Variants in GPR39 observed in about 807,000 individuals in gnomAD.
GPR39 encodes the protein zinc sensing receptor.
In GPR39, 23 loss-of-function variants were observed where a neutral mutation model predicts 18.4. The observed-to-expected ratio is 1.25, with a 90% CI of 0.90 to 1.77. The LOEUF is 1.77. Among genes scored for constraint, GPR39 ranks in the 40% most tolerant of loss-of-function variants. GPR39 has a pLI of 0.00. For synonymous variants in GPR39, 280 were observed against 257.9 expected (o/e 1.09, Z -0.82); for missense variants, 647 against 602.4 (o/e 1.07, Z -0.78).
intron 1 of GPR39, among the ~76,000 whole-genome samples, chr2:132,465,890 A>G (rs1324825324): frequency 6.6e-6 from 1 of 152,244 alleles, no homozygotes; most frequent in Non-Finnish European, 1.5e-5. Context: ...CTTAGCATAA[A>G]ATAACTGCTT....
chr2:132,623,942 C>A (rs1390107402), intron 1 of GPR39, among the ~76,000 whole-genome samples: 1 of 152,142 alleles, frequency 6.6e-6, no homozygotes, highest in Non-Finnish European at 1.5e-5. Context: ...CCCCTCACCT[C>A]CACCAGCAGC....
intron 1 of GPR39, among the ~76,000 whole-genome samples, chr2:132,569,239 T>C (rs995519167): frequency 6.6e-6 from 1 of 152,118 alleles, no homozygotes; most frequent in Non-Finnish European, 1.5e-5. Context: ...TTTGGAGGAC[T>C]AGTACTCTAA....
intron 1 of GPR39, among the ~76,000 whole-genome samples, chr2:132,586,161 C>T (rs1458072236): frequency 1.3e-5 from 2 of 151,814 alleles, no homozygotes; most frequent in Non-Finnish European, 2.9e-5. Context: ...CAAAGAAAGA[C>T]GGTAAAGTAT....
intron 1 of GPR39, among the ~76,000 whole-genome samples, chr2:132,427,412 C>G (rs983039950): frequency 6.7e-6 from 1 of 150,298 alleles, no homozygotes; most frequent in East Asian, 2.0e-4. Flanking sequence ...CGTGATCCAC[C>G]CACCTCCCAA....
intron 1 of GPR39, among the ~76,000 whole-genome samples, chr2:132,464,004 C>T (rs896923118): frequency 3.3e-5 from 5 of 152,200 alleles, no homozygotes; most frequent in South Asian, 2.1e-4. Context: ...AATTGCAAGA[C>T]GTCTTCAGTC....
At chr2:132,595,636 T>A (rs1021802408) in intron 1 of GPR39, among the ~76,000 whole-genome samples, 3 of 152,260 alleles carry the variant, frequency 2.0e-5, no homozygotes, top group South Asian at 4.2e-4. Context: ...TATTATGGAA[T>A]AATTCTGTGT....
chr2:132,444,548 AC>A (rs1157271582), intron 1 of GPR39, among the ~76,000 whole-genome samples: 4 of 152,166 alleles, frequency 2.6e-5, no homozygotes, highest in Admixed American at 2.6e-4. Flanking sequence ...TCAGCCTCCC[AC>A]AGTGTTAAGA....
rs1201052923 is a variant in GPR39 at position 132,457,420 on chromosome 2, C to T, written c.856+39522C>T. 2.0e-5 allele frequency among the ~76,000 whole-genome samples: 3 copies of T among 152,136 alleles called. No homozygotes were observed. The East Asian group carries it at 5.8e-4, about 29-fold the overall frequency. On this transcript the variant is annotated intron_variant, in intron 1 of 1. Transcript: ENST00000329321. ...GTTTTTAGCTTCCTTGCGATGGGTT[C>T]GAATGTCCTCCTTTAGCTTGGAGAA...
chr2:132,548,053 C>T (rs1415458591), intron 1 of GPR39, among the ~76,000 whole-genome samples: 1 of 152,156 alleles, frequency 6.6e-6, no homozygotes, highest in Non-Finnish European at 1.5e-5. Flanking sequence ...CCGCTTACGC[C>T]CCTTCCCAAG....
At chr2:132,508,334 C>T (rs535685470) in intron 1 of GPR39, among the ~76,000 whole-genome samples, 1 of 152,240 alleles carries the variant, frequency 6.6e-6, no homozygotes, top group East Asian at 1.9e-4. Context: ...AGAAGACTCT[C>T]AACCCCCTTC....
Position 132,645,169 on chromosome 2 carries a change from A to G in GPR39, c.925A>G (p.Lys309Glu). Residue 309 changes from lysine (K) to glutamate (E), a missense_variant, in exon 2 of 2, where the codon AAA becomes GAA. Around this residue, in one of 3 missense-constraint regions of GPR39, gnomAD observed 581 missense variants for 506.8 expected, o/e 1.15. Coordinates refer to ENST00000329321, the MANE Select transcript of GPR39 (RefSeq NM_001508.3). ...GATTCGGAGGATCATGGCTGCGGCC[A>G]AACCCAAGCACGACTGGACGAGGTC... ...NQIRRIMAAA[K>E]PKHDWTRSYF... 6.2e-7 allele frequency: 1 copy of G among 1,614,174 alleles called. No homozygotes were observed. The highest frequency in any genetic ancestry group is 8.5e-7 in the Non-Finnish European group (1 of 1,180,034).
intron 1 of GPR39, among the ~76,000 whole-genome samples, chr2:132,436,774 C>T (rs565861614): frequency 5.9e-5 from 9 of 152,274 alleles, no homozygotes; most frequent in African/African-American, 1.7e-4. Flanking sequence ...TGCTTCTGCT[C>T]GGTCCATCTC....
intron 1 of GPR39, among the ~76,000 whole-genome samples, chr2:132,530,046 A>C (rs957685601): frequency 6.6e-6 from 1 of 152,082 alleles, no homozygotes; most frequent in Non-Finnish European, 1.5e-5. Flanking sequence ...CAGAAGATCA[A>C]CCTACTCTGA....
At chr2:132,632,167 T>G (rs1681661904) in intron 1 of GPR39, among the ~76,000 whole-genome samples, 1 of 152,122 alleles carries the variant, frequency 6.6e-6, no homozygotes, top group Admixed American at 6.5e-5. Context: ...TTTCCAGGCC[T>G]GGCAGTGGGG....
At chr2:132,546,370 G>T (rs1354028333) in intron 1 of GPR39, among the ~76,000 whole-genome samples, 1 of 152,178 alleles carries the variant, frequency 6.6e-6, no homozygotes, top group African/African-American at 2.4e-5. Context: ...GGCTATAGTA[G>T]GGACAAGAAC....
intron 1 of GPR39, among the ~76,000 whole-genome samples, chr2:132,567,734 T>C (rs1266238593): frequency 6.6e-6 from 1 of 152,206 alleles, no homozygotes. Flanking sequence ...AGCAGTGGTC[T>C]TTTACCTTGG....
chr2:132,565,225 A>G (rs1680328165), intron 1 of GPR39, among the ~76,000 whole-genome samples: 1 of 152,038 alleles, frequency 6.6e-6, no homozygotes, highest in Non-Finnish European at 1.5e-5. Context: ...TGATTCCAGT[A>G]TTTAGCCAAG....
intron 1 of GPR39, among the ~76,000 whole-genome samples, chr2:132,429,296 G>C (rs757918241): frequency 3.9e-5 from 6 of 152,230 alleles, no homozygotes; most frequent in Non-Finnish European, 8.8e-5. Flanking sequence ...TCTCAAAAGA[G>C]AATACTCTTC....
At chr2:132,516,221 C>T (rs910904073) in intron 1 of GPR39, among the ~76,000 whole-genome samples, 7 of 152,110 alleles carry the variant, frequency 4.6e-5, no homozygotes, top group East Asian at 1.9e-4. Flanking sequence ...ATGTGTACCT[C>T]GTCAGAGCTG....
Sources: gnomAD v4.1 joint callset for allele counts (sites outside exome capture counted in the v4.1 genomes callset) on GRCh38, gnomAD v4.1.1 for gene constraint, gnomAD v4.1.1 regional missense constraint, MANE v1.5 for transcripts, NCBI Gene and HGNC (gene_info 2026-07-23, HGNC 2026-07-21) for gene names.